Variants in FAF1 observed in about 807,000 individuals in gnomAD.
FAF1 encodes the protein FAS-associated factor 1.
Under a neutral mutation model 92.5 loss-of-function variants are expected in FAF1, and 25 were observed. The observed-to-expected ratio is 0.27, with a 90% CI of 0.20 to 0.38. The LOEUF is 0.38. Among genes scored for constraint, FAF1 ranks in the 10% least tolerant of loss-of-function variants. FAF1 has a pLI of 1.00. For missense variants in FAF1, 636 were observed against 793.3 expected, an observed-to-expected ratio of 0.80 and a Z score of 2.38; for synonymous variants, 234 against 273.2, an observed-to-expected ratio of 0.86 and a Z score of 1.42.
At chr1:50,530,275 G>GTATA (rs1553223696) in intron 15 of FAF1, among the ~76,000 whole-genome samples, 20 of 139,480 alleles carry the variant, frequency 1.4e-4, no homozygotes, top group Admixed American at 2.2e-4. Context: ...GTGTGTGTGT[G>GTATA]TATGTATATA....
At chr1:50,657,929 G>A (rs865898319) in intron 7 of FAF1, among the ~76,000 whole-genome samples, 3 of 152,158 alleles carry the variant, frequency 2.0e-5, no homozygotes, top group African/African-American at 4.8e-5. Context: ...CAAATGGCTA[G>A]TCTACCATGC....
chr1:50,648,213 G>A (rs557227993), intron 8 of FAF1, among the ~76,000 whole-genome samples: 4 of 152,130 alleles, frequency 2.6e-5, no homozygotes, highest in South Asian at 4.1e-4. Context: ...AGCCGAGATC[G>A]TGCCATTGCA....
intron 8 of FAF1, among the ~76,000 whole-genome samples, chr1:50,626,683 G>C (rs1467752396): frequency 2.6e-5 from 4 of 152,064 alleles, no homozygotes; most frequent in Non-Finnish European, 4.4e-5. Flanking sequence ...ATTTAAGCAG[G>C]GAGATTACTT....
chr1:50,857,577 A>C (rs1422306681), intron 2 of FAF1, among the ~76,000 whole-genome samples: 6 of 151,848 alleles, frequency 4.0e-5, no homozygotes, highest in Non-Finnish European at 8.8e-5. Flanking sequence ...TTATCAGTGA[A>C]GGCCCCAGAA....
chr1:50,467,394 A>G (rs1572762395), intron 18 of FAF1, among the ~76,000 whole-genome samples: 1 of 152,050 alleles, frequency 6.6e-6, no homozygotes, highest in African/African-American at 2.4e-5. Flanking sequence ...GCTCACTGCA[A>G]CCTCTGTCTC....
chr1:50,790,644 AG>A (rs1219474853), intron 3 of FAF1, among the ~76,000 whole-genome samples: 1 of 151,950 alleles, frequency 6.6e-6, no homozygotes, highest in Non-Finnish European at 1.5e-5. Context: ...AGAGAACCAT[AG>A]GAGTGTTTCA....
At chr1:50,808,668 A>C (rs1333279049) in intron 2 of FAF1, among the ~76,000 whole-genome samples, 2 of 152,056 alleles carry the variant, frequency 1.3e-5, no homozygotes, top group East Asian at 3.9e-4. Flanking sequence ...AAAAAAAAAA[A>C]AAAAACTTTT....
chr1:50,641,940 T>C (rs1654350773), intron 8 of FAF1, among the ~76,000 whole-genome samples: 2 of 151,910 alleles, frequency 1.3e-5, no homozygotes, highest in African/African-American at 2.4e-5. Context: ...CGGGGGCTCA[T>C]GCTTGTAATC....
At chr1:50,632,951 T>A (rs1269905429) in intron 8 of FAF1, among the ~76,000 whole-genome samples, 1 of 152,186 alleles carries the variant, frequency 6.6e-6, no homozygotes. Context: ...TCACAGGTGT[T>A]TTCTTCTGAA....
At chr1:50,651,177 A>C (rs1654846588) in intron 8 of FAF1, among the ~76,000 whole-genome samples, 1 of 152,262 alleles carries the variant, frequency 6.6e-6, no homozygotes, top group South Asian at 2.1e-4. Context: ...AAGGTTAATG[A>C]GAAGTATACT....
intron 1 of FAF1, among the ~76,000 whole-genome samples, chr1:50,943,862 C>T (rs1277906021): frequency 3.3e-5 from 5 of 152,244 alleles, no homozygotes; most frequent in African/African-American, 7.2e-5. Context: ...CAAGGACACA[C>T]ATGGTACATC....
At chr1:50,817,464 T>C (rs553758274) in intron 2 of FAF1, among the ~76,000 whole-genome samples, 2 of 152,284 alleles carry the variant, frequency 1.3e-5, no homozygotes, top group Non-Finnish European at 2.9e-5. Flanking sequence ...CAGCAAAATG[T>C]TGGTTGCCAG....
chr1:50,492,578 T>C (rs183055155), intron 15 of FAF1, among the ~76,000 whole-genome samples: 31 of 152,322 alleles, frequency 2.0e-4, no homozygotes, highest in African/African-American at 7.2e-4. Context: ...AATATACATA[T>C]ACTTAGCTTT....
chr1:50,604,908 A>G (rs1652306093), intron 8 of FAF1, among the ~76,000 whole-genome samples: 1 of 152,156 alleles, frequency 6.6e-6, no homozygotes, highest in South Asian at 2.1e-4. Context: ...TTTTCTTTTT[A>G]AAAGCTTTTG....
chr1:50,900,867 T>A (rs1004664827), intron 1 of FAF1, among the ~76,000 whole-genome samples: 7 of 152,150 alleles, frequency 4.6e-5, no homozygotes, highest in African/African-American at 1.7e-4. Context: ...ATATGCTATG[T>A]ATAACTATAT....
intron 4 of FAF1, among the ~76,000 whole-genome samples, chr1:50,779,362 T>C (rs2124559117): frequency 6.6e-6 from 1 of 152,324 alleles, no homozygotes; most frequent in East Asian, 1.9e-4. Context: ...CAGATGGTTT[T>C]CAATGTACTT....
chr1:50,491,704 T>C lies in FAF1; in HGVS notation c.1575+17A>G. The stretch of plus-strand genomic sequence containing the variant: ...ACAATTGAGTTCTTTATCCCAGAAG[T>C]ACTTGACCAAGCCTACCTTTGCTCT... On this transcript the variant is annotated intron_variant, in intron 16 of 18. Coordinates refer to ENST00000396153, the MANE Select transcript of FAF1 (RefSeq NM_007051.3). 1 of 1,581,296 alleles carries C rather than the reference T, an allele frequency of 6.3e-7. No individual in the cohort carries two copies. Among genetic ancestry groups the C allele is most frequent in the Non-Finnish European group, 8.6e-7 (1 of 1,157,210 alleles).
At chr1:50,685,218 T>C (rs1485423333) in intron 7 of FAF1, among the ~76,000 whole-genome samples, 2 of 152,146 alleles carry the variant, frequency 1.3e-5, no homozygotes, top group Non-Finnish European at 2.9e-5. Context: ...TAAATATCAG[T>C]TGGTAAAATC....
intron 9 of FAF1, among the ~76,000 whole-genome samples, chr1:50,585,946 G>A (rs1651211948): frequency 6.6e-6 from 1 of 151,390 alleles, no homozygotes; most frequent in Non-Finnish European, 1.5e-5. Flanking sequence ...TTAGTTACTT[G>A]GGAGGCTGAG....
Sources: allele counts gnomAD v4.1 joint callset (sites outside exome capture counted in the v4.1 genomes callset), GRCh38; gene constraint gnomAD v4.1.1; transcripts MANE v1.5; gene names NCBI Gene and HGNC (gene_info 2026-07-23, HGNC 2026-07-21).